Variants in PLXND1 observed in about 807,000 individuals in gnomAD.
PLXND1 encodes plexin D1.
In PLXND1, 54 loss-of-function variants were observed where a neutral mutation model predicts 197.7. The observed-to-expected ratio is 0.27, with a 90% CI of 0.22 to 0.34. PLXND1 has a LOEUF of 0.34. PLXND1 is among the 10% of genes least tolerant of loss of function. The pLI, the probability that PLXND1 is intolerant of heterozygous loss-of-function variation, is 1.00. For missense variants in PLXND1, 2,127 were observed against 2,699.2 expected (o/e 0.79, Z 4.70); for synonymous variants, 1,180 against 1,161.2 (o/e 1.02, Z -0.33).
intron 31 of PLXND1, 35 bp from the exon 32 acceptor site, chr3:129,559,818 G>A (rs1435221242): frequency 1.9e-6 from 3 of 1,551,764 alleles, no homozygotes; most frequent in South Asian, 2.5e-5. Context: ...GTCAGCCCCG[G>A]GCCACGTGCA....
chr3:129,586,351 G>T, intron 3 of PLXND1, 79 bp from the exon 4 acceptor site: 1 of 1,198,104 alleles, frequency 8.3e-7, no homozygotes, highest in Non-Finnish European at 1.2e-6. Context: ...AGCATGGTGC[G>T]GGCCATGAGA....
In PLXND1 at chr3:129,561,803, G is replaced by A. The variant is rs1400449366; in HGVS notation, c.4926C>T (p.Tyr1642=). ...GRKKLNTLAH[Y]KIPEGASLAM... is the part of the protein sequence containing the mutation. ...GGGGCGGGGGGCAGGGCTGCACCTT[G>A]TAATGGGCCAGCGTGTTAAGCTTCT... The change falls in exon 28 of 36, where the codon TAC becomes TAT. Residue 1642 remains tyrosine (Y), a synonymous_variant. Coordinates refer to ENST00000324093, the MANE Select transcript of PLXND1 (RefSeq NM_015103.3). The A allele has an allele frequency of 6.2e-7, 1 of 1,610,422 alleles. No homozygotes were observed. Among genetic ancestry groups the A allele is most frequent in the African/African-American group, 1.3e-5 (1 of 74,996 alleles).
At position 129,571,847 on chromosome 3, in the gene PLXND1, G is replaced by T. The variant is rs763799348; in HGVS notation, c.3078-3C>A. 36 of 1,605,652 alleles carry T rather than the reference G, an allele frequency of 2.2e-5. No individual in the cohort carries two copies. Among genetic ancestry groups the T allele is most frequent in the Non-Finnish European group, 2.7e-5 (32 of 1,176,214 alleles). ...AGGCGATGCTGGTATCTGTGCGCCT[G>T]GGGGGAGCAGCAGGTTATCAGCAGG... On this transcript the variant is annotated splice_region_variant and splice_polypyrimidine_tract_variant and intron_variant, in intron 15 of 35. Coordinates refer to ENST00000324093, the MANE Select transcript of PLXND1 (RefSeq NM_015103.3).
At chr3:129,576,909 G>A (rs1424883668) in intron 9 of PLXND1, among the ~76,000 whole-genome samples, 2 of 152,152 alleles carry the variant, frequency 1.3e-5, no homozygotes, top group Non-Finnish European at 2.9e-5. Flanking sequence ...CATATTTGCT[G>A]AGTAAACAGA....
At chr3:129,597,325 T>C (rs1033517704) in intron 1 of PLXND1, among the ~76,000 whole-genome samples, 1 of 152,172 alleles carries the variant, frequency 6.6e-6, no homozygotes, top group Non-Finnish European at 1.5e-5. Context: ...CCCTGGGTTT[T>C]GAGCTGGGGA....
chr3:129,561,246 C>A (rs1385016110), intron 29 of PLXND1, among the ~76,000 whole-genome samples: 1 of 152,200 alleles, frequency 6.6e-6, no homozygotes, highest in East Asian at 1.9e-4. Flanking sequence ...ACCCCGAGAC[C>A]CAGAGGATCC....
intron 1 of PLXND1, among the ~76,000 whole-genome samples, chr3:129,602,749 A>C (rs1467954620): frequency 6.6e-6 from 1 of 152,212 alleles, no homozygotes; most frequent in African/African-American, 2.4e-5. Context: ...AATGTCCCTT[A>C]GAGTAATAAC....
At position 129,567,795 on chromosome 3, in the gene PLXND1, G is replaced by C. The variant is rs1392814459; in HGVS notation, c.3876C>G (p.Val1292=). 2 of 1,607,762 alleles carry C rather than the reference G, an allele frequency of 1.2e-6. No individual in the cohort carries two copies. Among genetic ancestry groups the C allele is most frequent in the Non-Finnish European group, 1.7e-6 (2 of 1,174,488 alleles). Residue 1292 remains valine (V), a synonymous_variant, in exon 21 of 36, where the codon GTC becomes GTG. Transcript: ENST00000324093. ...CAGCACGTCGGCTCTTGGTACAGAA[G>C]ACGAACAGGGCTGCGGGCAGTGGAG... ...LLLLSVVALF[V]FCTKSRRAER...
chr3:129,586,211 G>A lies in PLXND1; in HGVS notation c.1682C>T (p.Ala561Val), dbSNP rs1028050337. Residue 561 changes from alanine to valine, a missense_variant, in exon 4 of 36, where the codon GCG becomes GTG. Physicochemically the swap from Ala to Val is moderately conservative, Grantham distance 64. This residue lies in a region of PLXND1 where 1,095 missense variants were observed against 1,259.8 expected (regional missense o/e 0.87). Coordinates refer to ENST00000324093, the MANE Select transcript of PLXND1 (RefSeq NM_015103.3). ...VHSTCGDCVG[A>V]ADAYCGWCAL... is the part of the protein sequence containing the mutation. ...ACACCAGCCGCAGTAGGCGTCCGCCGCACCCACGCAGTCCCCACAGGTGGA... is the reference window on the plus strand; with the variant it reads ...ACACCAGCCGCAGTAGGCGTCCGCCACACCCACGCAGTCCCCACAGGTGGA... 3.7e-6 allele frequency: 6 copies of A among 1,602,590 alleles called. No individual in the cohort carries two copies. The highest frequency in any genetic ancestry group is 2.2e-5 in the South Asian group (2 of 90,520).
At position 129,589,441 on chromosome 3, in the gene PLXND1, G is replaced by T; in HGVS notation, c.1398C>A (p.Phe466Leu). 6.2e-7 allele frequency: 1 copy of T among 1,611,686 alleles called. No homozygotes were observed. The highest frequency in any genetic ancestry group is 8.5e-7 in the Non-Finnish European group (1 of 1,179,452). The change falls in exon 2 of 36, where the codon TTC becomes TTA. Residue 466 changes from phenylalanine to leucine, a missense_variant. Coordinates refer to ENST00000324093, the MANE Select transcript of PLXND1 (RefSeq NM_015103.3). ...ILQPLKATPV[F>L]RAPGLTSVAV... ...CCACGGAGGTGAGGCCCGGGGCGCG[G>T]AACACGGGCGTGGCCTTCAGGGGCT... is the stretch of plus-strand genomic sequence containing the variant.
At chr3:129,583,471 G>T in intron 8 of PLXND1, 96 bp downstream of exon 8, 1 of 769,214 alleles carries the variant, frequency 1.3e-6, no homozygotes, top group South Asian at 1.7e-5. Flanking sequence ...AAGCTAAGGC[G>T]GAATATGCAA....
At chr3:129,588,645 G>T (rs193109180) in intron 2 of PLXND1, among the ~76,000 whole-genome samples, 1 of 152,252 alleles carries the variant, frequency 6.6e-6, no homozygotes, top group African/African-American at 2.4e-5. Flanking sequence ...CAGTTAGGCC[G>T]GGCCTGGTGC....
intron 25 of PLXND1, among the ~76,000 whole-genome samples, chr3:129,563,575 C>T (rs1004491055): frequency 6.6e-6 from 1 of 152,252 alleles, no homozygotes; most frequent in Non-Finnish European, 1.5e-5. Context: ...GGGCAGGAAT[C>T]GGACCTGGCT....
At chr3:129,567,307 C>T (rs2085154598) in intron 22 of PLXND1, among the ~76,000 whole-genome samples, 185 bp downstream of exon 22, 1 of 152,176 alleles carries the variant, frequency 6.6e-6, no homozygotes, top group South Asian at 2.1e-4. Context: ...CAGAGAATGA[C>T]AGTGGAGAAT....
chr3:129,584,677 G>T, intron 5 of PLXND1, 115 bp from the exon 6 acceptor site: 2 of 995,246 alleles, frequency 2.0e-6, no homozygotes, highest in Non-Finnish European at 2.9e-6. Flanking sequence ...TGGGGGAAGG[G>T]GTAGTGGTGG....
intron 9 of PLXND1, among the ~76,000 whole-genome samples, chr3:129,576,233 C>A (rs189162065): frequency 4.6e-5 from 7 of 152,342 alleles, no homozygotes; most frequent in Admixed American, 3.3e-4. Flanking sequence ...CCTGCTCAGA[C>A]GTGCCCCAAC....
intron 27 of PLXND1, 80 bp downstream of exon 27, chr3:129,562,707 A>G (rs2085079212): frequency 3.7e-6 from 5 of 1,339,392 alleles, no homozygotes; most frequent in Admixed American, 4.2e-5. Flanking sequence ...TGCCAGGTGA[A>G]AGGAGTGTTT....
At chr3:129,601,778 TG>T (rs2085711985) in intron 1 of PLXND1, among the ~76,000 whole-genome samples, 2 of 152,132 alleles carry the variant, frequency 1.3e-5, no homozygotes, top group African/African-American at 4.8e-5. Flanking sequence ...TCCCCACCAC[TG>T]GGGCTGCATC....
At chr3:129,574,588 C>T in intron 11 of PLXND1, 98 bp from the exon 12 acceptor site, 1 of 1,258,928 alleles carries the variant, frequency 7.9e-7, no homozygotes, top group Non-Finnish European at 1.1e-6. Context: ...GAGGTCTGCG[C>T]CCCATCATTG....
Sources: allele counts gnomAD v4.1 joint callset (sites outside exome capture counted in the v4.1 genomes callset), GRCh38; gene constraint gnomAD v4.1.1; regional missense constraint gnomAD v4.1.1; transcripts MANE v1.5; gene names NCBI Gene and HGNC (gene_info 2026-07-23, HGNC 2026-07-21).